CERK: variants seen among roughly 807,000 people sequenced by gnomAD.
CERK encodes ceramide kinase.
In CERK, 39 loss-of-function variants were observed where a neutral mutation model predicts 63.4. The ratio of observed to expected loss-of-function variants is 0.61; its 90% CI spans 0.48 to 0.80. The LOEUF is 0.80. CERK is among the 30% of genes least tolerant of loss of function. CERK has a pLI of 0.00. For missense variants in CERK, 670 were observed against 714.1 expected, an observed-to-expected ratio of 0.94 and a Z score of 0.70; for synonymous variants, 302 against 280.0, an observed-to-expected ratio of 1.08 and a Z score of -0.78.
At chr22:46,697,310 CT>C (rs891474254) in intron 8 of CERK, among the ~76,000 whole-genome samples, 10 of 148,676 alleles carry the variant, frequency 6.7e-5, no homozygotes, top group East Asian at 2.0e-4. Flanking sequence ...TCTTTCTTTT[CT>C]TTTTTTTTTG....
Position 46,729,360 on chromosome 22 carries a change from AAATT to A in CERK, c.143-8349_143-8346del, listed in dbSNP as rs1403314744. Reference sequence around the variant, plus strand: ...GGAAACAGTGAGACTGTAAATAAATAAATTAATTAATTTAATTAAATAGAAAAAT... The same window carrying A: ...GGAAACAGTGAGACTGTAAATAAATAAATTAATTTAATTAAATAGAAAAAT... On this transcript the variant is annotated intron_variant, in intron 1 of 12. Coordinates refer to ENST00000216264, the MANE Select transcript of CERK (RefSeq NM_022766.6). Among the ~76,000 whole-genome samples, 7 of 152,050 alleles carry A rather than the reference AAATT, an allele frequency of 4.6e-5. No homozygotes were observed. In the East Asian group the frequency reaches 1.2e-3, roughly 25 times the overall value.
chr22:46,733,964 A>G (rs145615028), intron 1 of CERK, among the ~76,000 whole-genome samples: 2,134 of 152,040 alleles, frequency 0.014, 24 homozygotes, highest in Non-Finnish European at 0.024. Context: ...TGAACCCGGG[A>G]GGTGGAGGTT....
intron 9 of CERK, chr22:46,693,761 G>A (rs2082742940): frequency 4.7e-6 from 2 of 427,036 alleles, no homozygotes; most frequent in African/African-American, 2.0e-5. Context: ...GGTGCCACCT[G>A]GAGACGGTTT....
chr22:46,708,816 G>A (rs1313842769), intron 5 of CERK, among the ~76,000 whole-genome samples: 1 of 152,146 alleles, frequency 6.6e-6, no homozygotes, highest in Non-Finnish European at 1.5e-5. Context: ...CAGCCCAAGA[G>A]CTCTCATCAC....
At chr22:46,692,000 T>C (rs2146543139) in intron 10 of CERK, among the ~76,000 whole-genome samples, 1 of 152,352 alleles carries the variant, frequency 6.6e-6, no homozygotes, top group East Asian at 1.9e-4. Flanking sequence ...GGCAGGACTG[T>C]TGTCCCTCTC....
Position 46,719,943 on chromosome 22 carries a change from G to T in CERK, c.379+143C>A. ...ATTCACTGGGATGGTCTGCTCATGA[G>T]AAATTAAGTCAGCCTGACTCATCAT... On this transcript the variant is annotated intron_variant, in intron 3 of 12. Coordinates refer to ENST00000216264, the MANE Select transcript of CERK (RefSeq NM_022766.6). 2.6e-6 allele frequency: 3 copies of T among 1,140,056 alleles called. No individual in the cohort carries two copies. In the Admixed American group the frequency reaches 6.7e-5, roughly 25 times the overall value. 70.6% of individuals were successfully genotyped at this position (1,140,056 alleles called of 1,614,324 possible). A position where few individuals can be genotyped will look rare whatever the true frequency, so the allele number is the denominator to read the frequency against.
chr22:46,702,237 G>GTC (rs1318022844), intron 6 of CERK, among the ~76,000 whole-genome samples: 1 of 116,728 alleles, frequency 8.6e-6, no homozygotes, highest in Non-Finnish European at 1.8e-5. Context: ...GTGTGTGTGT[G>GTC]TGTGTGTGTG....
intron 3 of CERK, among the ~76,000 whole-genome samples, chr22:46,712,955 C>T (rs1181014594): frequency 7.9e-5 from 12 of 151,406 alleles, no homozygotes; most frequent in Non-Finnish European, 2.9e-5. Flanking sequence ...TGCCATCCTC[C>T]TGCCTCAGCC....
At chr22:46,688,486 G>A (rs918611845) in intron 12 of CERK, among the ~76,000 whole-genome samples, 1 of 152,224 alleles carries the variant, frequency 6.6e-6, no homozygotes, top group Non-Finnish European at 1.5e-5. Flanking sequence ...GGGACCTTTC[G>A]ACAGCCTCTT....
At chr22:46,731,115 C>T (rs977798515) in intron 1 of CERK, among the ~76,000 whole-genome samples, 6 of 152,250 alleles carry the variant, frequency 3.9e-5, no homozygotes, top group Non-Finnish European at 7.3e-5. Context: ...CCCCCATCAG[C>T]GCCAGCTGGT....
intron 7 of CERK, among the ~76,000 whole-genome samples, chr22:46,701,108 G>C (rs938525680): frequency 4.6e-5 from 7 of 152,254 alleles, no homozygotes; most frequent in African/African-American, 1.7e-4. Context: ...TGAGGAACAG[G>C]CGAAGGCACA....
chr22:46,708,355 A>G (rs1033040774), intron 5 of CERK, among the ~76,000 whole-genome samples: 52 of 152,342 alleles, frequency 3.4e-4, no homozygotes, highest in African/African-American at 1.2e-3. Flanking sequence ...TTGTGGGAGC[A>G]GAGAGGGTGC....
intron 1 of CERK, among the ~76,000 whole-genome samples, chr22:46,723,331 A>G (rs1460418996): frequency 6.6e-6 from 1 of 152,214 alleles, no homozygotes; most frequent in African/African-American, 2.4e-5. Context: ...CAAGAATAAG[A>G]ACACAGGGCG....
chr22:46,688,712 C>T (rs759575974), intron 12 of CERK, among the ~76,000 whole-genome samples: 13 of 152,262 alleles, frequency 8.5e-5, no homozygotes, highest in Non-Finnish European at 1.6e-4. Context: ...CAAGGGCCAT[C>T]TGACACCCAG....
At chr22:46,691,914 C>T in intron 10 of CERK, 137 bp from the exon 11 acceptor site, 1 of 645,130 alleles carries the variant, frequency 1.6e-6, no homozygotes, top group East Asian at 2.8e-5. Context: ...GACTCTTCAG[C>T]TCAACACCAA....
At chr22:46,710,525 T>C (rs930147171) in intron 5 of CERK, among the ~76,000 whole-genome samples, 14 of 152,148 alleles carry the variant, frequency 9.2e-5, no homozygotes, top group African/African-American at 3.1e-4. Flanking sequence ...TAATCTCCTA[T>C]GACTAATTTC....
chr22:46,712,328 T>C, intron 3 of CERK, 35 bp from the exon 4 acceptor site: 5 of 1,604,820 alleles, frequency 3.1e-6, no homozygotes, highest in Non-Finnish European at 4.3e-6. Flanking sequence ...ACAACGAAAA[T>C]AACAAAATCA....
rs2082741755 is a variant in CERK, at chr22:46,693,472, G to T, written c.1081C>A (p.Leu361Met). The change falls in exon 10 of 13, where the codon CTG becomes ATG. Residue 361 changes from leucine to methionine, a missense_variant. Transcript: ENST00000216264. ...CFVCRQSKQQ[L>M]EEEQKKALYG... Reference sequence around the variant, plus strand: ...AGTGCTTTCTTCTGCTCCTCCTCCAGCTGCTGCTTGCTTTGCCTGCAAACA... The same window carrying T: ...AGTGCTTTCTTCTGCTCCTCCTCCATCTGCTGCTTGCTTTGCCTGCAAACA... The T allele has an allele frequency of 6.2e-7, 1 of 1,614,114 alleles. No homozygotes were observed. The highest frequency in any genetic ancestry group is 8.5e-7 in the Non-Finnish European group (1 of 1,179,994).
intron 8 of CERK, among the ~76,000 whole-genome samples, chr22:46,698,962 G>C (rs2082769727): frequency 6.6e-6 from 1 of 152,194 alleles, no homozygotes; most frequent in Admixed American, 6.5e-5. Flanking sequence ...ACTTCCACTT[G>C]AACAGTTTGG....
Sources: allele counts gnomAD v4.1 joint callset (sites outside exome capture counted in the v4.1 genomes callset), GRCh38; gene constraint gnomAD v4.1.1; transcripts MANE v1.5; gene names NCBI Gene and HGNC (gene_info 2026-07-23, HGNC 2026-07-21).